The following MCU variants were observed in gnomAD, a reference collection of about 807,000 sequenced individuals.
MCU encodes the protein calcium uniporter protein, mitochondrial.
In MCU, 12 loss-of-function variants were observed where a neutral mutation model predicts 45.2. The ratio of observed to expected loss-of-function variants is 0.27; its 90% CI spans 0.17 to 0.43. The LOEUF is 0.43. Among genes scored for constraint, MCU ranks in the 20% least tolerant of loss-of-function variants. The pLI is 1.00. For synonymous variants in MCU, 160 were observed against 165.1 expected (o/e 0.97, Z 0.24); for missense variants, 324 against 436.7 (o/e 0.74, Z 2.30).
At chr10:72,779,843 T>A (rs1160387976) in intron 1 of MCU, among the ~76,000 whole-genome samples, 1 of 152,208 alleles carries the variant, frequency 6.6e-6, no homozygotes, top group East Asian at 1.9e-4. Context: ...TGTAAAATGG[T>A]ACAGCTACTT....
At chr10:72,877,395 C>T (rs76528463) in intron 6 of MCU, among the ~76,000 whole-genome samples, 4,272 of 152,220 alleles carry the variant, frequency 0.028, 81 homozygotes, top group Middle Eastern at 0.082. Flanking sequence ...AGGGCTTTCC[C>T]TCAAGTTCTT....
intron 1 of MCU, among the ~76,000 whole-genome samples, chr10:72,777,817 T>G (rs561635983): frequency 3.7e-4 from 56 of 152,228 alleles, no homozygotes; most frequent in African/African-American, 1.3e-3. Flanking sequence ...CCAGAATATA[T>G]AAGAGCTCAA....
rs529955727 is a variant in MCU at position 72,735,130 on chromosome 10, A to T, written c.150+42829A>T. Reference sequence around the variant, plus strand: ...CATGTATCAGAATTTTTTTTTTTTGATAGCTGAGTAGTATTTCAGTGTTCA... The same window carrying T: ...CATGTATCAGAATTTTTTTTTTTTGTTAGCTGAGTAGTATTTCAGTGTTCA... On this transcript the variant is annotated intron_variant, in intron 1 of 7. Coordinates refer to ENST00000373053, the MANE Select transcript of MCU (RefSeq NM_138357.3). 1.9e-3 allele frequency among the ~76,000 whole-genome samples: 258 copies of T among 137,160 alleles called. 2 individuals carry two copies. The highest frequency in any genetic ancestry group is 6.6e-3 in the African/African-American group (247 of 37,634). 90.0% of individuals were successfully genotyped at this position (137,160 alleles called of 152,430 possible). A position where few individuals can be genotyped will look rare whatever the true frequency, so the allele number is the denominator to read the frequency against.
chr10:72,705,801 G>C (rs1483314181), intron 1 of MCU, among the ~76,000 whole-genome samples: 1 of 148,632 alleles, frequency 6.7e-6, no homozygotes, highest in African/African-American at 2.5e-5. Flanking sequence ...TGGTCTGTAA[G>C]AGCAAAAACT....
intron 1 of MCU, among the ~76,000 whole-genome samples, chr10:72,726,126 C>T (rs1415470892): frequency 1.3e-5 from 2 of 151,894 alleles, no homozygotes; most frequent in Non-Finnish European, 2.9e-5. Context: ...TCTTGAACTC[C>T]TGGGCTCAAA....
intron 6 of MCU, among the ~76,000 whole-genome samples, chr10:72,877,844 T>G (rs1465759080): frequency 6.6e-6 from 1 of 152,134 alleles, no homozygotes; most frequent in African/African-American, 2.4e-5. Flanking sequence ...ATCACTAAAG[T>G]AGGCGAAACA....
intron 1 of MCU, among the ~76,000 whole-genome samples, chr10:72,734,086 A>C (rs1213652655): frequency 6.6e-6 from 1 of 152,142 alleles, no homozygotes; most frequent in Non-Finnish European, 1.5e-5. Context: ...TGAATACTAC[A>C]AAAGAAATTC....
intron 1 of MCU, among the ~76,000 whole-genome samples, chr10:72,810,105 T>C (rs1051513473): frequency 1.3e-5 from 2 of 151,938 alleles, no homozygotes; most frequent in African/African-American, 4.8e-5. Flanking sequence ...AGAAAGGAGC[T>C]ATTGAAGTTG....
intron 2 of MCU, among the ~76,000 whole-genome samples, chr10:72,840,084 G>A (rs1271283178): frequency 2.0e-5 from 3 of 151,850 alleles, no homozygotes; most frequent in Non-Finnish European, 2.9e-5. Flanking sequence ...TATATTGTAG[G>A]TATATGCTTA....
chr10:72,699,663 C>T (rs183048918), intron 1 of MCU, among the ~76,000 whole-genome samples: 7 of 150,172 alleles, frequency 4.7e-5, no homozygotes, highest in African/African-American at 1.7e-4. Flanking sequence ...GCTATCTCTG[C>T]TCTCTGCAGT....
chr10:72,789,940 G>A (rs1273299884), intron 1 of MCU, among the ~76,000 whole-genome samples: 1 of 152,080 alleles, frequency 6.6e-6, no homozygotes, highest in African/African-American at 2.4e-5. Context: ...AAGCTACCTG[G>A]CATAATCAAA....
intron 1 of MCU, among the ~76,000 whole-genome samples, chr10:72,697,940 T>TA (rs1361565020): frequency 7.7e-6 from 1 of 129,358 alleles, no homozygotes; most frequent in African/African-American, 2.5e-5. Flanking sequence ...GCCTAGCTCA[T>TA]AAAAAGAATT....
chr10:72,741,385 GC>G (rs1247950031), intron 1 of MCU, among the ~76,000 whole-genome samples: 2 of 152,186 alleles, frequency 1.3e-5, no homozygotes, highest in Non-Finnish European at 2.9e-5. Context: ...AAAGGCGTGA[GC>G]CACCGTGCCT....
chr10:72,882,889 T>C lies in MCU; in HGVS notation c.862-1377T>C, dbSNP rs1038015514. On this transcript the variant is annotated intron_variant, in intron 6 of 7. Transcript: ENST00000373053. ...CATCACGGAACCTACCGACATGTGATGTCCCCCCCGGATGCCCAGCTTTAA... is the reference window on the plus strand; with the variant it reads ...CATCACGGAACCTACCGACATGTGACGTCCCCCCCGGATGCCCAGCTTTAA... Among the ~76,000 whole-genome samples, 25 of 152,200 alleles carry C rather than the reference T, an allele frequency of 1.6e-4. 1 individual carries two copies. Among genetic ancestry groups the C allele is most frequent in the Non-Finnish European group, 2.9e-5 (2 of 68,040 alleles).
intron 6 of MCU, among the ~76,000 whole-genome samples, chr10:72,883,784 A>T (rs924097159): frequency 3.3e-5 from 5 of 152,248 alleles, no homozygotes; most frequent in Admixed American, 6.5e-5. Context: ...GAATTTCACA[A>T]ACCTAATACT....
chr10:72,750,548 T>C (rs949771652), intron 1 of MCU, among the ~76,000 whole-genome samples: 2 of 152,226 alleles, frequency 1.3e-5, no homozygotes, highest in African/African-American at 4.8e-5. Context: ...TCTAACTGCA[T>C]GATCCAGTAG....
chr10:72,797,258 C>G (rs1314691186), intron 1 of MCU, among the ~76,000 whole-genome samples: 2 of 147,606 alleles, frequency 1.4e-5, no homozygotes, highest in Non-Finnish European at 3.0e-5. Context: ...GGATCTCACT[C>G]TGTCACCCAG....
At chr10:72,752,615 T>C (rs1285617347) in intron 1 of MCU, among the ~76,000 whole-genome samples, 1 of 152,144 alleles carries the variant, frequency 6.6e-6, no homozygotes, top group Non-Finnish European at 1.5e-5. Context: ...CAAAGAGATA[T>C]GAAGGACAAT....
intron 4 of MCU, 80 bp from the exon 5 acceptor site, chr10:72,868,623 G>C: frequency 7.8e-7 from 1 of 1,278,852 alleles, no homozygotes. Context: ...TATAATGGAT[G>C]AATCTGCCTC....
Sources: allele counts gnomAD v4.1 joint callset (sites outside exome capture counted in the v4.1 genomes callset), GRCh38; gene constraint gnomAD v4.1.1; transcripts MANE v1.5; gene names NCBI Gene and HGNC (gene_info 2026-07-23, HGNC 2026-07-21).